PTPRM: variants seen among roughly 807,000 people sequenced by gnomAD.
PTPRM encodes protein tyrosine phosphatase receptor type M.
PTPRM carries 47 observed loss-of-function variants against 186.7 expected under a neutral mutation model. The observed-to-expected ratio is 0.25, with a 90% CI of 0.20 to 0.32. The LOEUF (loss-of-function observed/expected upper bound fraction) is 0.32, where lower values mean the gene tolerates loss of function less well. Among genes scored for constraint, PTPRM ranks in the 10% least tolerant of loss-of-function variants. PTPRM has a pLI of 1.00. For synonymous variants in PTPRM, 668 were observed against 674.9 expected (o/e 0.99, Z 0.16); for missense variants, 1,494 against 1,865.0 (o/e 0.80, Z 3.66).
At chr18:7,926,870 T>C (rs1177295217) in intron 5 of PTPRM, among the ~76,000 whole-genome samples, 187 bp downstream of exon 5, 7 of 152,144 alleles carry the variant, frequency 4.6e-5, no homozygotes, top group Non-Finnish European at 8.8e-5. Flanking sequence ...TTTGTGAATT[T>C]CTTTTTTTTT....
intron 2 of PTPRM, among the ~76,000 whole-genome samples, chr18:7,821,342 A>G (rs1211376477): frequency 6.6e-6 from 1 of 152,182 alleles, no homozygotes; most frequent in African/African-American, 2.4e-5. Flanking sequence ...ATCTAGAGAA[A>G]TATCACTGTG....
intron 7 of PTPRM, among the ~76,000 whole-genome samples, chr18:8,000,867 T>C (rs1368194780): frequency 6.6e-6 from 1 of 152,208 alleles, no homozygotes; most frequent in African/African-American, 2.4e-5. Context: ...TCCAAAGACT[T>C]GTTCACATTC....
intron 2 of PTPRM, among the ~76,000 whole-genome samples, chr18:7,829,870 TC>T (rs916580471): frequency 1.8e-4 from 28 of 152,276 alleles, no homozygotes; most frequent in Non-Finnish European, 3.8e-4. Context: ...CTATTTACTT[TC>T]CCCCCTTTTT....
At chr18:8,049,212 T>TCC (rs1024739668) in intron 7 of PTPRM, among the ~76,000 whole-genome samples, 1 of 152,208 alleles carries the variant, frequency 6.6e-6, no homozygotes, top group Non-Finnish European at 1.5e-5. Context: ...TAGAAACAAT[T>TCC]CAAGATTCTA....
At chr18:8,289,621 CAT>C (rs201779734) in intron 19 of PTPRM, among the ~76,000 whole-genome samples, 3 of 126,598 alleles carry the variant, frequency 2.4e-5, no homozygotes, top group African/African-American at 3.4e-5. Context: ...TATATATACA[CAT>C]ATATATATAC....
At chr18:7,777,099 G>A (rs1317712001) in intron 2 of PTPRM, among the ~76,000 whole-genome samples, 1 of 152,144 alleles carries the variant, frequency 6.6e-6, no homozygotes, top group Non-Finnish European at 1.5e-5. Flanking sequence ...AGGGCAAATG[G>A]GTGGGAAAAT....
chr18:8,348,302 T>C (rs1255825452), intron 23 of PTPRM, among the ~76,000 whole-genome samples: 3 of 152,260 alleles, frequency 2.0e-5, no homozygotes, highest in African/African-American at 7.2e-5. Flanking sequence ...GCGGCCCTAA[T>C]TGCTGGTGTT....
At chr18:7,642,247 A>C (rs1252024324) in intron 1 of PTPRM, among the ~76,000 whole-genome samples, 1 of 152,180 alleles carries the variant, frequency 6.6e-6, no homozygotes, top group Non-Finnish European at 1.5e-5. Context: ...TTTCCTGGGA[A>C]ATGCTGTACA....
At chr18:7,760,010 CTAGATGCCT>C (rs1316171868) in intron 1 of PTPRM, among the ~76,000 whole-genome samples, 1 of 152,042 alleles carries the variant, frequency 6.6e-6, no homozygotes, top group Non-Finnish European at 1.5e-5. Context: ...ATTGACAATC[CTAGATGCCT>C]TGTCCTGTAA....
At chr18:7,613,597 C>T (rs2037731663) in intron 1 of PTPRM, among the ~76,000 whole-genome samples, 1 of 151,862 alleles carries the variant, frequency 6.6e-6, no homozygotes, top group South Asian at 2.1e-4. Flanking sequence ...CAGTTGAATC[C>T]AGGAGGTGGA....
At position 8,255,863 on chromosome 18, in the gene PTPRM, A is replaced by G. The variant is rs141770879; in HGVS notation, c.2754+2449A>G. Among the ~76,000 whole-genome samples the G allele has an allele frequency of 5.2e-3, 789 of 152,294 alleles. 9 individuals carry two copies. The highest frequency in any genetic ancestry group is 0.018 in the African/African-American group (732 of 41,566). The stretch of plus-strand genomic sequence containing the variant: ...GATGGTGGGCGGGCATGCCTGTGCC[A>G]TGGCCGCAGGGAGAAGGGGACGCCC... On this transcript the variant is annotated intron_variant, in intron 19 of 32. Transcript: ENST00000580170.
chr18:7,646,782 T>G (rs2038574563), intron 1 of PTPRM, among the ~76,000 whole-genome samples: 1 of 152,162 alleles, frequency 6.6e-6, no homozygotes, highest in Non-Finnish European at 1.5e-5. Flanking sequence ...TACTGGCCGC[T>G]CCTTCATACT....
chr18:7,897,437 ACT>A (rs1369864502), intron 3 of PTPRM, among the ~76,000 whole-genome samples: 1 of 151,786 alleles, frequency 6.6e-6, no homozygotes, highest in East Asian at 1.9e-4. Context: ...GTGAAATATC[ACT>A]CTCTCTCAAG....
At chr18:7,936,457 C>A (rs2051816894) in intron 5 of PTPRM, among the ~76,000 whole-genome samples, 1 of 152,228 alleles carries the variant, frequency 6.6e-6, no homozygotes, top group Non-Finnish European at 1.5e-5. Flanking sequence ...CGCAACCCAG[C>A]CAGGTGTGTG....
chr18:7,650,603 GT>G (rs2038676685), intron 1 of PTPRM, among the ~76,000 whole-genome samples: 1 of 151,976 alleles, frequency 6.6e-6, no homozygotes, highest in South Asian at 2.1e-4. Context: ...ACCCTGATCT[GT>G]GACCAACCCT....
At chr18:7,956,631 G>A (rs17566876) in intron 7 of PTPRM, among the ~76,000 whole-genome samples, 12,623 of 152,250 alleles carry the variant, frequency 0.083, 585 homozygotes, top group Middle Eastern at 0.27. Context: ...CTGGTCCCTG[G>A]AATAAGACCT....
chr18:7,808,634 A>G (rs1266024098), intron 2 of PTPRM, among the ~76,000 whole-genome samples: 1 of 152,202 alleles, frequency 6.6e-6, no homozygotes, highest in African/African-American at 2.4e-5. Context: ...GTTGTGCTCA[A>G]TCTTATTGTT....
chr18:7,904,885 A>G (rs1369138920), intron 3 of PTPRM, among the ~76,000 whole-genome samples: 3 of 152,210 alleles, frequency 2.0e-5, no homozygotes, highest in Non-Finnish European at 4.4e-5. Context: ...AATAACATTC[A>G]TGTGGATCTT....
chr18:7,908,895 G>A (rs1471829909), intron 4 of PTPRM, among the ~76,000 whole-genome samples: 1 of 152,226 alleles, frequency 6.6e-6, no homozygotes, highest in Non-Finnish European at 1.5e-5. Context: ...TATGCACAAA[G>A]TTCATGGACT....
Sources: allele counts gnomAD v4.1 joint callset (sites outside exome capture counted in the v4.1 genomes callset), GRCh38; gene constraint gnomAD v4.1.1; transcripts MANE v1.5; gene names NCBI Gene and HGNC (gene_info 2026-07-23, HGNC 2026-07-21).